PHLPP1: variants seen among roughly 807,000 people sequenced by gnomAD.
PHLPP1 encodes the protein PH domain and leucine rich repeat protein phosphatase 1, also known as PH domain leucine-rich repeat-containing protein phosphatase 1.
A neutral mutation model predicts 117.2 loss-of-function variants in PHLPP1; 42 were observed. The ratio of observed to expected loss-of-function variants is 0.36; its 90% CI spans 0.28 to 0.46. The LOEUF (loss-of-function observed/expected upper bound fraction) is 0.46, where lower values mean the gene tolerates loss of function less well. Among genes scored for constraint, PHLPP1 ranks in the 20% least tolerant of loss-of-function variants. The pLI, the probability that PHLPP1 is intolerant of heterozygous loss-of-function variation, is 1.00. For synonymous variants in PHLPP1, 1,042 were observed against 970.7 expected (o/e 1.07, Z -1.37); for missense variants, 2,084 against 2,241.9 (o/e 0.93, Z 1.42).
chr18:62,871,317 T>C (rs1915894351), intron 4 of PHLPP1, among the ~76,000 whole-genome samples: 1 of 152,106 alleles, frequency 6.6e-6, no homozygotes, highest in South Asian at 2.1e-4. Context: ...TAGCTCTGTT[T>C]ATTTTTGTTT....
intron 1 of PHLPP1, among the ~76,000 whole-genome samples, chr18:62,812,610 A>G (rs1165773495): frequency 6.6e-6 from 1 of 152,160 alleles, no homozygotes; most frequent in East Asian, 1.9e-4. Context: ...AATTTGAGTT[A>G]AGCCCACCCT....
chr18:62,963,498 A>G (rs1447125347), intron 14 of PHLPP1, 26 bp downstream of exon 14: 2 of 1,420,322 alleles, frequency 1.4e-6, no homozygotes, highest in Non-Finnish European at 2.0e-6. Flanking sequence ...CTTTAGAGGA[A>G]GAAGTGCCTC....
Position 62,917,956 on chromosome 18 carries a change from G to A in PHLPP1, c.2805-2003G>A, listed in dbSNP as rs559262545. On this transcript the variant is annotated intron_variant, in intron 9 of 16. Transcript: ENST00000262719. ...ACAGTGGCTCATGCCTGTAATCCCA[G>A]CACATGGGGAGGCCGAGGCAGGCGG... 3.3e-5 allele frequency among the ~76,000 whole-genome samples: 5 copies of A among 152,288 alleles called. No homozygotes were observed. In the East Asian group the frequency reaches 9.6e-4, roughly 29 times the overall value.
chr18:62,876,629 T>C (rs185686454), intron 4 of PHLPP1, among the ~76,000 whole-genome samples: 63 of 152,360 alleles, frequency 4.1e-4, no homozygotes, highest in African/African-American at 1.3e-3. Context: ...AGAGAACATT[T>C]AGAAATGCTT....
intron 4 of PHLPP1, among the ~76,000 whole-genome samples, chr18:62,888,585 C>T (rs1317561658): frequency 6.6e-6 from 1 of 152,060 alleles, no homozygotes; most frequent in East Asian, 1.9e-4. Context: ...CCTGTGGTCC[C>T]AGCTACTTGC....
chr18:62,798,948 G>A (rs747982546), intron 1 of PHLPP1, among the ~76,000 whole-genome samples: 9 of 152,034 alleles, frequency 5.9e-5, no homozygotes, highest in Non-Finnish European at 8.8e-5. Context: ...TCAGAAAATT[G>A]GCAAATTTTA....
At chr18:62,973,133 T>TTTCATAAGTA (rs1911099014) in intron 15 of PHLPP1, among the ~76,000 whole-genome samples, 1 of 152,224 alleles carries the variant, frequency 6.6e-6, no homozygotes, top group South Asian at 2.1e-4. Context: ...CTATCACTGG[T>TTTCATAAGTA]TTGAGATAGT....
At chr18:62,898,590 T>C (rs1426185540) in intron 6 of PHLPP1, among the ~76,000 whole-genome samples, 1 of 152,140 alleles carries the variant, frequency 6.6e-6, no homozygotes, top group Admixed American at 6.6e-5. Flanking sequence ...AGGATGAGGC[T>C]CTATCTCTGA....
chr18:62,947,747 G>T (rs565022782), intron 12 of PHLPP1, among the ~76,000 whole-genome samples: 6 of 152,182 alleles, frequency 3.9e-5, no homozygotes, highest in African/African-American at 1.4e-4. Context: ...ACAAATAGAG[G>T]CCTGGCTTGG....
At chr18:62,860,747 G>T in intron 4 of PHLPP1, 146 bp downstream of exon 4, 1 of 639,284 alleles carries the variant, frequency 1.6e-6, no homozygotes, top group Non-Finnish European at 2.6e-6. Context: ...TTGTTTATTA[G>T]TGAAGACATT....
intron 10 of PHLPP1, among the ~76,000 whole-genome samples, chr18:62,931,517 CAA>C (rs894603143): frequency 8.8e-5 from 9 of 101,840 alleles, no homozygotes; most frequent in African/African-American, 1.1e-4. Context: ...AAATTGAGAC[CAA>C]AAAAAAAAAA....
intron 1 of PHLPP1, among the ~76,000 whole-genome samples, chr18:62,733,368 T>C (rs1166065287): frequency 1.3e-5 from 2 of 152,248 alleles, no homozygotes; most frequent in African/African-American, 4.8e-5. Context: ...GTGTGTGCAT[T>C]GTGCTTTATA....
intron 4 of PHLPP1, among the ~76,000 whole-genome samples, chr18:62,875,762 C>G (rs541376126): frequency 4.5e-4 from 68 of 151,568 alleles, no homozygotes; most frequent in Non-Finnish European, 8.7e-4. Context: ...GAGTCTCACT[C>G]TATCCTCCCC....
rs566234073 is a variant in PHLPP1 at position 62,882,839 on chromosome 18, T to C, written c.2067-12172T>C. Among the ~76,000 whole-genome samples the C allele has an allele frequency of 7.9e-5, 12 of 152,062 alleles. 1 individual carries two copies. The South Asian group carries it at 1.9e-3, about 24-fold the overall frequency. Reference sequence around the variant, plus strand: ...TTGGAAAAGCATTAAGCTTTCTCTTTTTGTTCTCCCTTCCCCTAGTATATA... The same window carrying C: ...TTGGAAAAGCATTAAGCTTTCTCTTCTTGTTCTCCCTTCCCCTAGTATATA... On this transcript the variant is annotated intron_variant, in intron 4 of 16. Transcript: ENST00000262719.
chr18:62,779,648 T>A (rs1025397436), intron 1 of PHLPP1: 1 of 152,146 alleles, frequency 6.6e-6, no homozygotes, highest in Non-Finnish European at 1.5e-5. Context: ...AATTTAATTA[T>A]GGTAGAAACA....
intron 13 of PHLPP1, among the ~76,000 whole-genome samples, chr18:62,961,513 G>C (rs1368974620): frequency 6.6e-6 from 1 of 151,956 alleles, no homozygotes; most frequent in Non-Finnish European, 1.5e-5. Context: ...TTTGTGTTCT[G>C]TAAAAATTAT....
intron 8 of PHLPP1, among the ~76,000 whole-genome samples, chr18:62,911,975 A>G (rs1401560601): frequency 1.9e-5 from 1 of 51,698 alleles, no homozygotes; most frequent in African/African-American, 7.8e-5. Flanking sequence ...TGCAGCCATA[A>G]AAAATGATGA....
chr18:62,870,625 G>A (rs894788984), intron 4 of PHLPP1, among the ~76,000 whole-genome samples: 1 of 152,176 alleles, frequency 6.6e-6, no homozygotes. Flanking sequence ...CAAATAACCA[G>A]GGAGAAACTT....
intron 1 of PHLPP1, among the ~76,000 whole-genome samples, chr18:62,778,333 G>T (rs1306323056): frequency 6.6e-6 from 1 of 152,146 alleles, no homozygotes; most frequent in Non-Finnish European, 1.5e-5. Context: ...AATTTTGGGT[G>T]CTATGTTGTT....
Sources: allele counts gnomAD v4.1 joint callset (sites outside exome capture counted in the v4.1 genomes callset), GRCh38; gene constraint gnomAD v4.1.1; transcripts MANE v1.5; gene names NCBI Gene and HGNC (gene_info 2026-07-23, HGNC 2026-07-21).